The following PIK3R1 variants were observed in gnomAD, a reference collection of about 807,000 sequenced individuals.
PIK3R1 encodes the protein phosphoinositide-3-kinase regulatory subunit 1.
Under a neutral mutation model 98.0 loss-of-function variants are expected in PIK3R1, and 29 were observed. The ratio of observed to expected loss-of-function variants is 0.30; its 90% CI spans 0.22 to 0.40. PIK3R1 has a LOEUF of 0.40. Ranked by LOEUF, PIK3R1 falls within the 10% of genes least tolerant of loss-of-function variation. The pLI, the probability that PIK3R1 is intolerant of heterozygous loss-of-function variation, is 1.00. For missense variants in PIK3R1, 596 were observed against 872.7 expected (o/e 0.68, Z 3.99); for synonymous variants, 282 against 311.8 (o/e 0.90, Z 1.01).
At chr5:68,243,087 C>T (rs1744930990) in intron 2 of PIK3R1, among the ~76,000 whole-genome samples, 1 of 151,508 alleles carries the variant, frequency 6.6e-6, no homozygotes, top group Non-Finnish European at 1.5e-5. Context: ...GGACTTCTTT[C>T]CTGCCAGAAA....
chr5:68,293,855 A>G, intron 11 of PIK3R1, 21 bp downstream of exon 11: 1 of 1,531,444 alleles, frequency 6.5e-7, no homozygotes, highest in Non-Finnish European at 8.8e-7. Flanking sequence ...TATGAAAATC[A>G]GATTAAAAAA....
At chr5:68,262,738 G>C (rs1212988167) in intron 2 of PIK3R1, among the ~76,000 whole-genome samples, 30 of 139,362 alleles carry the variant, frequency 2.2e-4, no homozygotes, top group African/African-American at 7.6e-4. Context: ...TATACATGTA[G>C]ATGCATGTAG....
chr5:68,279,879 C>T, intron 5 of PIK3R1, 146 bp downstream of exon 5: 2 of 756,756 alleles, frequency 2.6e-6, no homozygotes, highest in Non-Finnish European at 4.2e-6. Flanking sequence ...CAAATTTCCT[C>T]CTCCACCCAA....
chr5:68,244,512 A>ACTGCCCCCCCCCCCCCCCCCCC (rs1390340649), intron 2 of PIK3R1, among the ~76,000 whole-genome samples: 1 of 20,950 alleles, frequency 4.8e-5, no homozygotes, highest in Non-Finnish European at 7.4e-5. Context: ...TTTCTCTAGG[A>ACTGCCCCCCCCCCCCCCCCCCC]CCGCCCCCCC....
intron 2 of PIK3R1, among the ~76,000 whole-genome samples, chr5:68,241,382 T>A (rs553854188): frequency 1.4e-5 from 1 of 71,862 alleles, no homozygotes; most frequent in African/African-American, 9.0e-5. Context: ...GGTTACAATT[T>A]TTTTTGTTTT....
At chr5:68,236,880 T>C (rs532521976) in intron 2 of PIK3R1, among the ~76,000 whole-genome samples, 239 of 152,320 alleles carry the variant, frequency 1.6e-3, no homozygotes, top group Admixed American at 5.6e-3. Context: ...AAGGATTGAA[T>C]TACAAAGAGA....
intron 2 of PIK3R1, among the ~76,000 whole-genome samples, chr5:68,235,622 A>T (rs1376787879): frequency 6.6e-6 from 1 of 152,138 alleles, no homozygotes; most frequent in Non-Finnish European, 1.5e-5. Flanking sequence ...GGTAGCAAAA[A>T]GTAAGTTTAT....
intron 7 of PIK3R1, chr5:68,288,583 C>T: frequency 2.6e-6 from 4 of 1,531,476 alleles, no homozygotes; most frequent in African/African-American, 1.4e-5. Flanking sequence ...GCCCCCGCTC[C>T]TGCGCGCACT....
rs1303159320 is a variant in PIK3R1, at chr5:68,298,934, A to C, written c.*1333A>C. On this transcript the variant is annotated 3_prime_UTR_variant, in exon 16 of 16. Coordinates refer to ENST00000521381, the MANE Select transcript of PIK3R1 (RefSeq NM_181523.3). ...GGGAGGGGGAGGCAAGGTTATATGC[A>C]CTTTCTCATGATTTACAGAGAAGTG... 4 of 233,426 alleles carry C rather than the reference A, an allele frequency of 1.7e-5. No individual in the cohort carries two copies. Among genetic ancestry groups the C allele is most frequent in the Non-Finnish European group, 2.5e-5 (3 of 117,956 alleles). 14.5% of individuals were successfully genotyped at this position (233,426 alleles called of 1,614,324 possible).
rs1047947473 is a variant in PIK3R1 at position 68,229,366 on chromosome 5, G to C, written c.334+2357G>C. On this transcript the variant is annotated intron_variant, in intron 2 of 15. Transcript: ENST00000521381. ...AAAAGCTTTTGCAGTGACAAATTGT[G>C]TGAAGGCAAGAAATGATAGTTCTGT... Among the ~76,000 whole-genome samples, 5 of 152,134 alleles carry C rather than the reference G, an allele frequency of 3.3e-5. No homozygotes were observed. The South Asian group carries it at 1.0e-3, about 32-fold the overall frequency.
At chr5:68,294,849 T>C (rs1285361505) in intron 12 of PIK3R1, among the ~76,000 whole-genome samples, 171 bp downstream of exon 12, 2 of 151,904 alleles carry the variant, frequency 1.3e-5, no homozygotes, top group African/African-American at 4.8e-5. Flanking sequence ...TTGGGAGATA[T>C]ACCTAATGCT....
At chr5:68,263,274 A>G (rs1048934241) in intron 2 of PIK3R1, among the ~76,000 whole-genome samples, 8 of 145,192 alleles carry the variant, frequency 5.5e-5, no homozygotes, top group African/African-American at 1.8e-4. Context: ...TAGTTCTGCT[A>G]TATCTATAGG....
At chr5:68,262,386 T>TATATATATA (rs576101819) in intron 2 of PIK3R1, among the ~76,000 whole-genome samples, 2 of 138,552 alleles carry the variant, frequency 1.4e-5, no homozygotes, top group African/African-American at 5.4e-5. Context: ...TCTATAATTT[T>TATATATATA]TATATATATA....
chr5:68,235,733 TG>T (rs1194557083), intron 2 of PIK3R1, among the ~76,000 whole-genome samples: 1 of 152,214 alleles, frequency 6.6e-6, no homozygotes, highest in East Asian at 1.9e-4. Context: ...ATAATGAATT[TG>T]GTTAGAGTAT....
At position 68,299,436 on chromosome 5, in the gene PIK3R1, G is replaced by A. The variant is rs755964553; in HGVS notation, c.*1835G>A. ...AATCATTGTATGTGCTTCACTACGG[G>A]GGGGAGAAGGAAACGTTAGCATCAT... On this transcript the variant is annotated 3_prime_UTR_variant, in exon 16 of 16. Coordinates refer to ENST00000521381, the MANE Select transcript of PIK3R1 (RefSeq NM_181523.3). 3.4e-5 allele frequency: 8 copies of A among 233,126 alleles called. No individual in the cohort carries two copies. Among genetic ancestry groups the A allele is most frequent in the Non-Finnish European group, 5.9e-5 (7 of 118,046 alleles). The allele number at this position is 233,126 out of a possible 1,614,324, so 14.4% of individuals were successfully genotyped here.
At position 68,299,727 on chromosome 5, in the gene PIK3R1, G is replaced by GAA; in HGVS notation, c.*2128_*2129dup. ...TTTGTTTTTTAATGTTGTTCCTTTT[G>GAA]AAAGAATCAGTCTTGCAGCTGAGTG... On this transcript the variant is annotated 3_prime_UTR_variant, in exon 16 of 16. Coordinates refer to ENST00000521381, the MANE Select transcript of PIK3R1 (RefSeq NM_181523.3). 1 of 233,118 alleles carries GAA rather than the reference G, an allele frequency of 4.3e-6. No individual in the cohort carries two copies. The allele number at this position is 233,118 out of a possible 1,614,324, so 14.4% of individuals were successfully genotyped here.
intron 2 of PIK3R1, among the ~76,000 whole-genome samples, chr5:68,266,571 G>C (rs1357637949): frequency 6.6e-6 from 1 of 152,168 alleles, no homozygotes; most frequent in Non-Finnish European, 1.5e-5. Flanking sequence ...ATTCCCTTGT[G>C]GGATTGACCA....
chr5:68,245,910 A>G (rs993541280), intron 2 of PIK3R1, among the ~76,000 whole-genome samples: 4 of 152,252 alleles, frequency 2.6e-5, no homozygotes, highest in South Asian at 2.1e-4. Context: ...GCAGAATTAC[A>G]TAAGTTAGTA....
intron 7 of PIK3R1, among the ~76,000 whole-genome samples, chr5:68,287,484 T>A (rs1271303993): frequency 6.6e-6 from 1 of 152,210 alleles, no homozygotes; most frequent in Non-Finnish European, 1.5e-5. Flanking sequence ...AGGAATTGAT[T>A]GAAGTGAACT....
Sources: allele counts gnomAD v4.1 joint callset (sites outside exome capture counted in the v4.1 genomes callset), GRCh38; gene constraint gnomAD v4.1.1; transcripts MANE v1.5; gene names NCBI Gene and HGNC (gene_info 2026-07-23, HGNC 2026-07-21).